The following MPRIP variants were observed in gnomAD, a reference collection of about 807,000 sequenced individuals.
MPRIP encodes myosin phosphatase Rho interacting protein.
A neutral mutation model predicts 234.9 loss-of-function variants in MPRIP; 59 were observed. The ratio of observed to expected loss-of-function variants is 0.25; its 90% CI spans 0.20 to 0.31. MPRIP has a LOEUF of 0.31. Ranked by LOEUF, MPRIP falls within the 10% of genes least tolerant of loss-of-function variation. The pLI, the probability that MPRIP is intolerant of heterozygous loss-of-function variation, is 1.00. For missense variants in MPRIP, 2,436 were observed against 3,071.0 expected (o/e 0.79, Z 4.89); for synonymous variants, 1,144 against 1,263.9 (o/e 0.91, Z 2.01).
chr17:17,189,183 G>A lies in MPRIP; in HGVS notation c.*4289G>A, dbSNP rs1469740878. ...GTGGGGGTTTTTTTGGGTGGAGGGG[G>A]GTTGTTTTTTGTTTTTTGTTTTCAA... is the stretch of plus-strand genomic sequence containing the variant. On this transcript the variant is annotated 3_prime_UTR_variant, in exon 24 of 24. Transcript: ENST00000651222. 1 of 149,490 alleles carries A rather than the reference G, an allele frequency of 6.7e-6. No homozygotes were observed. Among genetic ancestry groups the A allele is most frequent in the African/African-American group, 2.5e-5 (1 of 40,392 alleles). The allele number at this position is 149,490 out of a possible 1,614,324, so 9.3% of individuals were successfully genotyped here.
At chr17:17,051,144 A>T (rs1286488371) in intron 1 of MPRIP, among the ~76,000 whole-genome samples, 1 of 152,174 alleles carries the variant, frequency 6.6e-6, no homozygotes, top group Non-Finnish European at 1.5e-5. Context: ...GTGGTGAGGG[A>T]TGTTCCAGGA....
At chr17:17,159,139 C>T (rs2045806556) in intron 14 of MPRIP, 137 bp downstream of exon 14, 6 of 858,176 alleles carry the variant, frequency 7.0e-6, no homozygotes, top group Non-Finnish European at 8.9e-6. Flanking sequence ...GGGAGACAGA[C>T]GCATAGATGA....
chr17:17,175,558 C>T, intron 20 of MPRIP, 146 bp downstream of exon 20: 1 of 1,155,548 alleles, frequency 8.7e-7, no homozygotes, highest in African/African-American at 1.6e-5. Context: ...TCCAAATCAC[C>T]CGAAGGCGGC....
At chr17:17,101,998 G>A (rs962641375) in intron 3 of MPRIP, among the ~76,000 whole-genome samples, 18 of 152,110 alleles carry the variant, frequency 1.2e-4, no homozygotes, top group African/African-American at 4.3e-4. Context: ...CCAGGTGGGT[G>A]TAGTCCTCTG....
chr17:17,110,111 T>C (rs2090141313), intron 3 of MPRIP, among the ~76,000 whole-genome samples: 1 of 152,076 alleles, frequency 6.6e-6, no homozygotes, highest in South Asian at 2.1e-4. Context: ...TCTTGCTCTG[T>C]TAGTTTCCTG....
chr17:17,166,076 G>A lies in MPRIP; in HGVS notation c.4485G>A (p.Glu1495=). The change falls in exon 16 of 24, where the codon GAG becomes GAA. Residue 1495 remains glutamate, a synonymous_variant. Transcript: ENST00000651222. The surrounding 1 kb of genome is among the most constrained non-coding windows in gnomAD (Gnocchi z 4.4). The part of the protein sequence containing the change: ...QLRSLPRASQ[E]DEQDARAASL... The stretch of plus-strand genomic sequence containing the variant: ...GATCTCTGCCTAGGGCCAGCCAGGA[G>A]GATGAGCAGGACGCACGCGCAGCCT... 7.7e-7 allele frequency: 1 copy of A among 1,300,648 alleles called. No homozygotes were observed. Among genetic ancestry groups the A allele is most frequent in the Non-Finnish European group, 1.0e-6 (1 of 986,504 alleles). 80.6% of individuals were successfully genotyped at this position (1,300,648 alleles called of 1,614,324 possible).
At position 17,158,958 on chromosome 17, in the gene MPRIP, G is replaced by A. The variant is rs761799524; in HGVS notation, c.2356G>A (p.Asp786Asn). 19 of 1,612,712 alleles carry A rather than the reference G, an allele frequency of 1.2e-5. No homozygotes were observed. The South Asian group carries it at 1.6e-4, about 14-fold the overall frequency. The change falls in exon 14 of 24, where the codon GAC (aspartate) becomes AAC (asparagine). Residue 786 changes from aspartate to asparagine, a missense_variant. By Grantham distance (23) the Asp-to-Asn change is conservative. Transcript: ENST00000651222. ...CCACCTGTCTTCTGAAGATGGGGGT[G>A]ACCGGCTCTCCACACACGAGCTGAC... ...PVHLSSEDGG[D>N]RLSTHELTSL... is the part of the protein sequence containing the mutation.
chr17:17,184,741 CGGTCCGGTCT>C lies in MPRIP; in HGVS notation c.7207-72_7207-63del, dbSNP rs891803542. ...CTCTGACTGATGCCGGCTCCACCAG[CGGTCCGGTCT>C]GGTCCGGTCCGGTCCAGTGCAGGGG... On this transcript the variant is annotated intron_variant, in intron 23 of 23. Transcript: ENST00000651222. 8.4e-5 allele frequency: 87 copies of C among 1,029,774 alleles called. No individual in the cohort carries two copies. The African/African-American group carries it at 1.3e-3, about 15-fold the overall frequency. The allele number at this position is 1,029,774 out of a possible 1,614,324, so 63.8% of individuals were successfully genotyped here. A position where few individuals can be genotyped will look rare whatever the true frequency, so the allele number is the denominator to read the frequency against.
intron 1 of MPRIP, among the ~76,000 whole-genome samples, chr17:17,073,766 G>A (rs991528632): frequency 2.0e-5 from 3 of 152,188 alleles, no homozygotes; most frequent in African/African-American, 7.2e-5. Context: ...GAGGTTTGCT[G>A]GGCACAGCTG....
In MPRIP at chr17:17,126,814, A is replaced by G. The variant is rs1477868660; in HGVS notation, c.380A>G (p.Glu127Gly). 1.2e-6 allele frequency: 2 copies of G among 1,614,194 alleles called. No homozygotes were observed. Among genetic ancestry groups the G allele is most frequent in the Admixed American group, 1.7e-5 (1 of 60,024 alleles). The change falls in exon 4 of 24, where the codon GAG (glutamate) becomes GGG (glycine). Residue 127 changes from glutamate to glycine, a missense_variant. By Grantham distance (98) the Glu-to-Gly change is moderately conservative. Around this residue, in one of 4 missense-constraint regions of MPRIP, gnomAD observed 140 missense variants for 207.3 expected, o/e 0.68. Transcript: ENST00000651222. ...CTGTGTATTCTGACGCCTGAGAAGG[A>G]GCATTTCATCCGGGCGGAGACCAAG... The part of the protein sequence containing the change: ...FSLCILTPEK[E>G]HFIRAETKEI...
At chr17:17,146,158 G>A (rs934367995) in intron 10 of MPRIP, 66 bp downstream of exon 10, 2 of 1,462,090 alleles carry the variant, frequency 1.4e-6, no homozygotes, top group African/African-American at 2.8e-5. Flanking sequence ...AGCTGTCCTT[G>A]TCCCCAGCCA....
intron 1 of MPRIP, among the ~76,000 whole-genome samples, chr17:17,059,612 C>T (rs1371279706): frequency 6.6e-6 from 1 of 152,250 alleles, no homozygotes; most frequent in African/African-American, 2.4e-5. Flanking sequence ...GTCTCCCACA[C>T]TCCTCCCCTT....
At chr17:17,171,092 G>A (rs775850238) in intron 16 of MPRIP, 4 of 152,354 alleles carry the variant, frequency 2.6e-5, no homozygotes, top group African/African-American at 9.7e-5. Flanking sequence ...GTCAACACCT[G>A]AGCATTAAGT....
At position 17,192,019 on chromosome 17, in the gene MPRIP, T is replaced by A. The variant is rs1392364750; in HGVS notation, c.*7125T>A. ...TCAACAATTACAATTCTTAATGATT[T>A]TTCTCACAGCTGTGCCCTTCTGTCA... On this transcript the variant is annotated 3_prime_UTR_variant, in exon 24 of 24. Transcript: ENST00000651222. 1 of 152,154 alleles carries A rather than the reference T, an allele frequency of 6.6e-6. No individual in the cohort carries two copies. The highest frequency in any genetic ancestry group is 1.5e-5 in the Non-Finnish European group (1 of 68,028). 9.4% of individuals were successfully genotyped at this position (152,154 alleles called of 1,614,324 possible).
intron 18 of MPRIP, among the ~76,000 whole-genome samples, chr17:17,173,167 G>A (rs765581899): frequency 1.9e-4 from 29 of 152,268 alleles, no homozygotes; most frequent in South Asian, 4.1e-4. Context: ...GTCGTACAGG[G>A]CAGAAGTGAG....
At chr17:17,093,921 C>T (rs1265228360) in intron 3 of MPRIP, among the ~76,000 whole-genome samples, 5 of 152,196 alleles carry the variant, frequency 3.3e-5, no homozygotes, top group African/African-American at 7.2e-5. Context: ...TACCCAGCTA[C>T]CCTTGTTTTT....
intron 1 of MPRIP, among the ~76,000 whole-genome samples, chr17:17,066,178 A>T (rs913971838): frequency 1.8e-4 from 28 of 152,354 alleles, no homozygotes; most frequent in African/African-American, 5.8e-4. Context: ...TATGTTGAAT[A>T]AGAATTCTGA....
At chr17:17,048,359 G>T (rs989037536) in intron 1 of MPRIP, among the ~76,000 whole-genome samples, 2 of 152,174 alleles carry the variant, frequency 1.3e-5, no homozygotes, top group East Asian at 1.9e-4. Context: ...GAGGTCTCAG[G>T]GAAGCATTTC....
At chr17:17,120,066 C>T (rs778645723) in intron 3 of MPRIP, among the ~76,000 whole-genome samples, 1 of 152,106 alleles carries the variant, frequency 6.6e-6, no homozygotes, top group Non-Finnish European at 1.5e-5. Flanking sequence ...GCCTTTGTTT[C>T]TTGGGTCTCT....
Sources: allele counts gnomAD v4.1 joint callset (sites outside exome capture counted in the v4.1 genomes callset), GRCh38; gene constraint gnomAD v4.1.1; regional missense constraint gnomAD v4.1.1; non-coding constraint Gnocchi (gnomAD v3.1); transcripts MANE v1.5; gene names NCBI Gene and HGNC (gene_info 2026-07-23, HGNC 2026-07-21).